The following GRIN3A variants were observed in gnomAD, a reference collection of about 807,000 sequenced individuals.
The protein encoded by GRIN3A is glutamate receptor ionotropic, NMDA 3A.
In GRIN3A, 47 loss-of-function variants were observed where a neutral mutation model predicts 92.4. That is an observed-to-expected ratio of 0.51 (90% CI 0.40 to 0.65). The LOEUF is 0.65. Among genes scored for constraint, GRIN3A ranks in the 30% least tolerant of loss-of-function variants. The pLI is 0.00. For missense variants in GRIN3A, 1,324 were observed against 1,393.1 expected (o/e 0.95, Z 0.79); for synonymous variants, 527 against 540.6 (o/e 0.97, Z 0.35).
At chr9:101,592,844 T>C (rs1454851237) in intron 6 of GRIN3A, 2 of 152,004 alleles carry the variant, frequency 1.3e-5, no homozygotes, top group Non-Finnish European at 2.9e-5. Flanking sequence ...AGATCTTCCA[T>C]GTCCTGAAAA....
rs376675398 is a variant in GRIN3A, at chr9:101,738,013, C to G, written c.-34G>C. ...CCCGCAGGGAGAAAGCGCGCCCCCT[C>G]CTGCGCCCGGCTCGCCCCTCTGCAG... is the stretch of plus-strand genomic sequence containing the variant. On this transcript the variant is annotated 5_prime_UTR_variant, in exon 1 of 9. Coordinates refer to ENST00000361820, the MANE Select transcript of GRIN3A (RefSeq NM_133445.3). 5 of 1,518,320 alleles carry G rather than the reference C, an allele frequency of 3.3e-6. No individual in the cohort carries two copies. The highest frequency in any genetic ancestry group is 1.4e-5 in the African/African-American group (1 of 72,620). 94.1% of individuals were successfully genotyped at this position (1,518,320 alleles called of 1,614,324 possible).
intron 2 of GRIN3A, among the ~76,000 whole-genome samples, chr9:101,684,228 A>G (rs1977723): frequency 0.79 from 116,550 of 148,128 alleles, 46,076 homozygotes; most frequent in Middle Eastern, 0.85. Flanking sequence ...TCAGCCTCCC[A>G]CGTAGCTGGG....
At chr9:101,737,078 A>T (rs1588303941) in intron 1 of GRIN3A, among the ~76,000 whole-genome samples, 1 of 151,504 alleles carries the variant, frequency 6.6e-6, no homozygotes, top group Non-Finnish European at 1.5e-5. Flanking sequence ...TTTTATTTCC[A>T]TCCGCGCTTT....
At chr9:101,709,001 G>A (rs893402998) in intron 1 of GRIN3A, among the ~76,000 whole-genome samples, 2 of 152,120 alleles carry the variant, frequency 1.3e-5, no homozygotes, top group African/African-American at 2.4e-5. Context: ...TAACACACAG[G>A]CAATTTCAAA....
intron 1 of GRIN3A, among the ~76,000 whole-genome samples, chr9:101,728,441 G>A (rs577363635): frequency 7.9e-5 from 12 of 152,232 alleles, no homozygotes; most frequent in South Asian, 2.1e-4. Flanking sequence ...GTTTGGAACC[G>A]TAGAGACTCA....
In GRIN3A at chr9:101,570,703, C is replaced by T. The variant is rs928226515; in HGVS notation, c.*2471G>A. 3 of 152,520 alleles carry T rather than the reference C, an allele frequency of 2.0e-5. No homozygotes were observed. The highest frequency in any genetic ancestry group is 6.5e-5 in the Admixed American group (1 of 15,278). The allele number at this position is 152,520 out of a possible 1,614,324, so 9.4% of individuals were successfully genotyped here. ...TCATCTACTTTGTGGATAGGCAGGGCGATCTGGCATGTGATCACCACTGCT... is the reference window on the plus strand; with the variant it reads ...TCATCTACTTTGTGGATAGGCAGGGTGATCTGGCATGTGATCACCACTGCT... On this transcript the variant is annotated 3_prime_UTR_variant, in exon 9 of 9. Transcript: ENST00000361820.
At chr9:101,720,960 A>G (rs1183234223) in intron 1 of GRIN3A, among the ~76,000 whole-genome samples, 2 of 152,224 alleles carry the variant, frequency 1.3e-5, no homozygotes, top group Admixed American at 6.5e-5. Context: ...AAGTTTACCT[A>G]TGTAACAAAC....
chr9:101,643,989 G>T (rs555371276), intron 3 of GRIN3A, among the ~76,000 whole-genome samples: 1 of 151,546 alleles, frequency 6.6e-6, no homozygotes, highest in South Asian at 2.1e-4. Flanking sequence ...ATAGTATATG[G>T]TATATATAAA....
chr9:101,616,053 C>A (rs1828447783), intron 5 of GRIN3A, among the ~76,000 whole-genome samples: 1 of 152,170 alleles, frequency 6.6e-6, no homozygotes, highest in Admixed American at 6.5e-5. Flanking sequence ...TCCATTACAG[C>A]AGAGACCATA....
At chr9:101,688,591 A>G (rs1049944738) in intron 1 of GRIN3A, among the ~76,000 whole-genome samples, 1 of 152,102 alleles carries the variant, frequency 6.6e-6, no homozygotes, top group African/African-American at 2.4e-5. Context: ...ACTGCTGTTC[A>G]TGGTAGGGAG....
At chr9:101,661,403 T>TA (rs1829169915) in intron 3 of GRIN3A, among the ~76,000 whole-genome samples, 1 of 151,930 alleles carries the variant, frequency 6.6e-6, no homozygotes. Flanking sequence ...TTGCATTATA[T>TA]GCATTGCGTG....
At chr9:101,645,983 T>C (rs1414836647) in intron 3 of GRIN3A, among the ~76,000 whole-genome samples, 1 of 151,788 alleles carries the variant, frequency 6.6e-6, no homozygotes, top group Non-Finnish European at 1.5e-5. Context: ...TAATCCCCTG[T>C]TGAATGAATA....
At chr9:101,652,097 A>G (rs1829022427) in intron 3 of GRIN3A, among the ~76,000 whole-genome samples, 1 of 152,036 alleles carries the variant, frequency 6.6e-6, no homozygotes, top group African/African-American at 2.4e-5. Flanking sequence ...TTTTACATAC[A>G]TTATTTCATA....
chr9:101,721,205 G>A (rs962347739), intron 1 of GRIN3A, among the ~76,000 whole-genome samples: 3 of 152,284 alleles, frequency 2.0e-5, no homozygotes, highest in Admixed American at 6.5e-5. Flanking sequence ...TTCTATTCTA[G>A]TGATAGTGAA....
At chr9:101,726,030 G>A (rs1830078816) in intron 1 of GRIN3A, among the ~76,000 whole-genome samples, 1 of 152,132 alleles carries the variant, frequency 6.6e-6, no homozygotes, top group Non-Finnish European at 1.5e-5. Context: ...TAGAATGGGA[G>A]TTCTTTGAGA....
At chr9:101,617,550 A>G (rs1442470841) in intron 5 of GRIN3A, among the ~76,000 whole-genome samples, 1 of 152,168 alleles carries the variant, frequency 6.6e-6, no homozygotes, top group Non-Finnish European at 1.5e-5. Context: ...CTAAAAACAG[A>G]TTACTATCCC....
intron 4 of GRIN3A, among the ~76,000 whole-genome samples, chr9:101,625,371 C>G (rs1828617953): frequency 1.3e-5 from 2 of 152,034 alleles, no homozygotes; most frequent in African/African-American, 4.8e-5. Context: ...GAGAATATGA[C>G]TAGAATTCAT....
In GRIN3A at chr9:101,594,664, G is replaced by C. The variant is rs368922664; in HGVS notation, c.2767-15304C>G. Reference sequence around the variant, plus strand: ...CAAACCTCAACTTCTGCTCCTCGTCGCCCTTGACGCTGAACTGGGAGGTCC... The same window carrying C: ...CAAACCTCAACTTCTGCTCCTCGTCCCCCTTGACGCTGAACTGGGAGGTCC... On this transcript the variant is annotated intron_variant, in intron 6 of 8. Transcript: ENST00000361820. 2.5e-6 allele frequency: 4 copies of C among 1,614,010 alleles called. No homozygotes were observed. The African/African-American group carries it at 5.3e-5, about 22-fold the overall frequency.
In GRIN3A at chr9:101,660,222, C is replaced by G. The variant is rs561103422; in HGVS notation, c.2352+9838G>C. ...ACTCAAGGATCCTACATCTCTGAGA[C>G]TCGGTTCCACTATGGGCATCATGGT... On this transcript the variant is annotated intron_variant, in intron 3 of 8. Transcript: ENST00000361820. 2.6e-5 allele frequency among the ~76,000 whole-genome samples: 4 copies of G among 151,972 alleles called. No homozygotes were observed. In the East Asian group the frequency reaches 7.8e-4, roughly 30 times the overall value.
Sources: gnomAD v4.1 joint callset for allele counts (sites outside exome capture counted in the v4.1 genomes callset) on GRCh38, gnomAD v4.1.1 for gene constraint, MANE v1.5 for transcripts, NCBI Gene and HGNC (gene_info 2026-07-23, HGNC 2026-07-21) for gene names.